The following TUBA1C variants were observed in gnomAD, a reference collection of about 807,000 sequenced individuals.
The protein encoded by TUBA1C is tubulin alpha 1c.
A neutral mutation model predicts 34.9 loss-of-function variants in TUBA1C; 16 were observed. The observed-to-expected ratio is 0.46, with a 90% CI of 0.31 to 0.70. The LOEUF (loss-of-function observed/expected upper bound fraction) is 0.70. TUBA1C is among the 30% of genes least tolerant of loss of function. The probability of loss-of-function intolerance (pLI) is 0.05; values close to 1 mark genes in which losing one functional copy is unlikely to be tolerated. For synonymous variants in TUBA1C, 177 were observed against 215.9 expected, an observed-to-expected ratio of 0.82 and a Z score of 1.58; for missense variants, 329 against 587.3, an observed-to-expected ratio of 0.56 and a Z score of 4.55.
chr12:49,263,584 T>C (rs1288158287), upstream of TUBA1C, among the ~76,000 whole-genome samples: 1 of 152,114 alleles, frequency 6.6e-6, no homozygotes, highest in Non-Finnish European at 1.5e-5. Context: ...TGCCTCGGCC[T>C]CCCAAAGTGC....
intron 1 of TUBA1C, among the ~76,000 whole-genome samples, chr12:49,251,686 A>G (rs774039484): frequency 7.2e-5 from 11 of 151,928 alleles, no homozygotes; most frequent in Admixed American, 6.6e-4. Context: ...GGGCAGGAGA[A>G]TCGCTTGAGC....
intron 1 of TUBA1C, among the ~76,000 whole-genome samples, chr12:49,247,705 T>A (rs1435150739): frequency 6.6e-6 from 1 of 152,068 alleles, no homozygotes; most frequent in Non-Finnish European, 1.5e-5. Flanking sequence ...CCCAGCACTT[T>A]GGGAGGCCAA....
intron 3 of TUBA1C, among the ~76,000 whole-genome samples, chr12:49,271,928 C>T (rs1464362470): frequency 6.6e-6 from 1 of 151,702 alleles, no homozygotes; most frequent in African/African-American, 2.4e-5. Flanking sequence ...TGCTCAAGGA[C>T]TTGATTGTGA....
intron 3 of TUBA1C, among the ~76,000 whole-genome samples, chr12:49,270,428 G>A (rs1050633659): frequency 1.7e-4 from 26 of 152,330 alleles, no homozygotes; most frequent in Admixed American, 1.1e-3. Flanking sequence ...GAAGTGTGCT[G>A]TTTGGATCAC....
chr12:49,244,935 G>T (rs1044248396), intron 1 of TUBA1C, among the ~76,000 whole-genome samples: 1 of 151,616 alleles, frequency 6.6e-6, no homozygotes, highest in African/African-American at 2.4e-5. Flanking sequence ...AACACCCCAG[G>T]TATTATTTTA....
At chr12:49,264,938 G>A (rs1942883156), upstream of TUBA1C, 2 of 392,270 alleles carry the variant, frequency 5.1e-6, no homozygotes, top group Admixed American at 9.4e-5. Flanking sequence ...AGCGCCGCGC[G>A]CCCCCACTCC....
chr12:49,238,951 T>A (rs1413516364), intron 1 of TUBA1C, among the ~76,000 whole-genome samples: 1 of 152,186 alleles, frequency 6.6e-6, no homozygotes, highest in Non-Finnish European at 1.5e-5. Flanking sequence ...TTACTGAGGC[T>A]TCATTACATA....
At chr12:49,241,649 T>TCTTCCTTC (rs1337980392) in intron 1 of TUBA1C, among the ~76,000 whole-genome samples, 2 of 144,712 alleles carry the variant, frequency 1.4e-5, no homozygotes, top group Non-Finnish European at 3.0e-5. Flanking sequence ...TCCCTTCCTT[T>TCTTCCTTC]CTTCCTTCCT....
At position 49,253,232 on chromosome 12, in the gene TUBA1C, G is replaced by A. The variant is rs1592279826; in HGVS notation, c.214-16233G>A. Among the ~76,000 whole-genome samples the A allele has an allele frequency of 3.3e-5, 5 of 152,214 alleles. No homozygotes were observed. The South Asian group carries it at 1.0e-3, about 32-fold the overall frequency. ...GGAACTCTCGGCATACCACAGCCATGCCTGCAGGCATGGAGTAGGCAGAGT... is the reference window on the plus strand; with the variant it reads ...GGAACTCTCGGCATACCACAGCCATACCTGCAGGCATGGAGTAGGCAGAGT... On this transcript the variant is annotated intron_variant, in intron 1 of 3. Coordinates refer to the TUBA1C transcript ENST00000541364.
chr12:49,270,155 T>C, intron 3 of TUBA1C, 179 bp downstream of exon 3: 1 of 1,321,520 alleles, frequency 7.6e-7, no homozygotes, highest in Non-Finnish European at 1.1e-6. Flanking sequence ...GGGACAACTA[T>C]GGGGTAGAAG....
In TUBA1C at chr12:49,273,497, C is replaced by G. The variant is rs901945131; in HGVS notation, c.*270C>G. Reference sequence around the variant, plus strand: ...CTCGAGCTCCTGGACTCATGTGATTCTCCTGCTTCAGCCTCCTAAGTAGCT... The same window carrying G: ...CTCGAGCTCCTGGACTCATGTGATTGTCCTGCTTCAGCCTCCTAAGTAGCT... On this transcript the variant is annotated 3_prime_UTR_variant, in exon 4 of 4. Coordinates refer to ENST00000301072, the MANE Select transcript of TUBA1C (RefSeq NM_032704.5). 2.4e-5 allele frequency: 12 copies of G among 500,624 alleles called. No individual in the cohort carries two copies. The highest frequency in any genetic ancestry group is 1.3e-4 in the Admixed American group (4 of 30,386). The allele number at this position is 500,624 out of a possible 1,614,324, so 31.0% of individuals were successfully genotyped here.
chr12:49,268,088 TGA>T (rs1299531243), intron 1 of TUBA1C, among the ~76,000 whole-genome samples: 1 of 151,270 alleles, frequency 6.6e-6, no homozygotes, highest in South Asian at 2.1e-4. Flanking sequence ...TATATATCTA[TGA>T]GAGAGAGACA....
intron 1 of TUBA1C, among the ~76,000 whole-genome samples, chr12:49,256,721 G>T (rs562046559): frequency 6.6e-6 from 1 of 152,188 alleles, no homozygotes; most frequent in Non-Finnish European, 1.5e-5. Context: ...ACAGAGGCCT[G>T]CAAGTGCAGA....
At chr12:49,245,755 A>G (rs1000346448) in intron 1 of TUBA1C, among the ~76,000 whole-genome samples, 1 of 152,170 alleles carries the variant, frequency 6.6e-6, no homozygotes, top group South Asian at 2.1e-4. Flanking sequence ...CCTTGCAACT[A>G]TACTCAAAGT....
At chr12:49,228,054 T>C (rs1488743555) in exon 1 of TUBA1C, 1 of 1,535,614 alleles carries the variant, frequency 6.5e-7, no homozygotes, top group Non-Finnish European at 8.7e-7. Flanking sequence ...AATGCAAAAC[T>C]GTACATCTCT....
In TUBA1C at chr12:49,269,962, C is replaced by T. The variant is rs749317460; in HGVS notation, c.361C>T (p.Arg121Ter). Reference protein sequence around the residue: ...GKEIIDLVLDRIRKLADQCTG... With the variant: ...GKEIIDLVLD Reference sequence around the variant, plus strand: ...GGAGATCATTGACCTCGTGTTGGACCGAATTCGCAAGCTGGTAAGTATAGT... The same window carrying T: ...GGAGATCATTGACCTCGTGTTGGACTGAATTCGCAAGCTGGTAAGTATAGT... The change falls in exon 3 of 4, where the codon CGA (arginine) becomes TGA (stop). Residue 121 changes from arginine to a stop codon, truncating the protein, a stop_gained. Transcript: ENST00000301072. LOFTEE classifies it high-confidence loss of function. The T allele has an allele frequency of 5.0e-6, 8 of 1,614,080 alleles. No homozygotes were observed. Among genetic ancestry groups the T allele is most frequent in the Admixed American group, 1.7e-5 (1 of 60,000 alleles).
intron 1 of TUBA1C, among the ~76,000 whole-genome samples, chr12:49,240,232 G>A (rs1308997062): frequency 6.7e-6 from 1 of 149,416 alleles, no homozygotes; most frequent in Non-Finnish European, 1.5e-5. Context: ...TTCTGGAGAT[G>A]ACCTCTCCCT....
chr12:49,267,958 G>A (rs1055518868), intron 1 of TUBA1C, among the ~76,000 whole-genome samples: 1 of 152,226 alleles, frequency 6.6e-6, no homozygotes, highest in Non-Finnish European at 1.5e-5. Context: ...TTAAGTCTGT[G>A]TGTACAGATT....
intron 1 of TUBA1C, among the ~76,000 whole-genome samples, chr12:49,232,007 G>A (rs1942502971): frequency 6.6e-6 from 1 of 152,298 alleles, no homozygotes; most frequent in South Asian, 2.1e-4. Context: ...TGATTTCCTG[G>A]CTGGGGGTGG....
Sources: allele counts gnomAD v4.1 joint callset (sites outside exome capture counted in the v4.1 genomes callset), GRCh38; gene constraint gnomAD v4.1.1; transcripts MANE v1.5; gene names NCBI Gene and HGNC (gene_info 2026-07-23, HGNC 2026-07-21).